The following FOXP1 variants were observed in gnomAD, a reference collection of about 807,000 sequenced individuals.
FOXP1 encodes the protein forkhead box P1.
FOXP1 carries 15 observed loss-of-function variants against 98.2 expected under a neutral mutation model. The ratio of observed to expected loss-of-function variants is 0.15; its 90% CI spans 0.10 to 0.24. The LOEUF (loss-of-function observed/expected upper bound fraction) is 0.24. Ranked by LOEUF, FOXP1 falls within the 10% of genes least tolerant of loss-of-function variation. The pLI, the probability that FOXP1 is intolerant of heterozygous loss-of-function variation, is 1.00. For synonymous variants in FOXP1, 371 were observed against 314.5 expected, an observed-to-expected ratio of 1.18 and a Z score of -1.90; for missense variants, 633 against 848.5, an observed-to-expected ratio of 0.75 and a Z score of 3.15.
chr3:70,965,796 G>C (rs1376585221), intron 20 of FOXP1, 94 bp downstream of exon 20: 19 of 1,232,080 alleles, frequency 1.5e-5, no homozygotes, highest in Middle Eastern at 5.4e-4. Flanking sequence ...TTACAGAAAA[G>C]GTATATAAAG....
chr3:71,327,984 C>T lies in FOXP1; in HGVS notation c.-72-28104G>A, dbSNP rs1284269281. 2.6e-5 allele frequency among the ~76,000 whole-genome samples: 4 copies of T among 152,150 alleles called. No homozygotes were observed. In the South Asian group the frequency reaches 8.3e-4, roughly 32 times the overall value. On this transcript the variant is annotated intron_variant, in intron 4 of 20. Transcript: ENST00000649528. ...CACATGACAGTAGGCCACACAAGCA[C>T]CTCAAATATTGTCATTTAAAACTAC...
intron 3 of FOXP1, among the ~76,000 whole-genome samples, chr3:71,369,243 A>G (rs1009458359): frequency 3.3e-5 from 5 of 152,078 alleles, no homozygotes; most frequent in African/African-American, 9.7e-5. Context: ...GAAACAAATT[A>G]GCTGGGCGTA....
At chr3:71,582,545 G>A (rs2048269922) in intron 1 of FOXP1, 1 of 985,344 alleles carries the variant, frequency 1.0e-6, no homozygotes, top group Admixed American at 6.1e-5. Context: ...GGAGGGACGA[G>A]GCGACACGCG....
chr3:71,454,430 A>C (rs1485822015), intron 3 of FOXP1, among the ~76,000 whole-genome samples: 1 of 152,144 alleles, frequency 6.6e-6, no homozygotes, highest in African/African-American at 2.4e-5. Context: ...TCGATAGAAA[A>C]CCACAGAGAC....
At chr3:71,064,120 G>C (rs1319737587) in intron 7 of FOXP1, among the ~76,000 whole-genome samples, 1 of 152,152 alleles carries the variant, frequency 6.6e-6, no homozygotes, top group Non-Finnish European at 1.5e-5. Context: ...TGCAACAGAG[G>C]CTTAGAATCC....
intron 7 of FOXP1, among the ~76,000 whole-genome samples, chr3:71,102,567 G>A (rs1261483306): frequency 6.6e-6 from 1 of 152,200 alleles, no homozygotes; most frequent in Non-Finnish European, 1.5e-5. Context: ...TACTTGCAGA[G>A]CTGTCTGCAG....
At chr3:71,123,331 G>A (rs913502372) in intron 6 of FOXP1, among the ~76,000 whole-genome samples, 1 of 152,140 alleles carries the variant, frequency 6.6e-6, no homozygotes, top group Non-Finnish European at 1.5e-5. Context: ...AACAAGCCCA[G>A]CTATCTCTGC....
At chr3:71,164,540 A>C (rs2061313453) in intron 6 of FOXP1, among the ~76,000 whole-genome samples, 1 of 152,204 alleles carries the variant, frequency 6.6e-6, no homozygotes, top group Non-Finnish European at 1.5e-5. Flanking sequence ...AGTTGGCTCC[A>C]AAGGAGAAAA....
At chr3:71,120,470 A>T (rs1284792323) in intron 6 of FOXP1, among the ~76,000 whole-genome samples, 1 of 152,242 alleles carries the variant, frequency 6.6e-6, no homozygotes, top group Non-Finnish European at 1.5e-5. Context: ...ATGGATTTTA[A>T]AAAGTGTTCC....
At chr3:71,063,241 T>C (rs2051798203) in intron 7 of FOXP1, among the ~76,000 whole-genome samples, 1 of 152,256 alleles carries the variant, frequency 6.6e-6, no homozygotes. Context: ...ATAAAACAGA[T>C]ATAGACCTTT....
At chr3:71,102,554 A>C (rs2057058092) in intron 7 of FOXP1, among the ~76,000 whole-genome samples, 2 of 152,226 alleles carry the variant, frequency 1.3e-5, no homozygotes, top group African/African-American at 2.4e-5. Context: ...GCCTTTAGAC[A>C]ATTACTTGCA....
chr3:70,988,968 A>G (rs1189961391), intron 13 of FOXP1, among the ~76,000 whole-genome samples: 2 of 152,054 alleles, frequency 1.3e-5, no homozygotes, highest in Non-Finnish European at 2.9e-5. Context: ...AGAGAGAGAG[A>G]GGAGAGAGGG....
intron 7 of FOXP1, among the ~76,000 whole-genome samples, chr3:71,107,547 T>A (rs1273773748): frequency 1.3e-5 from 2 of 152,182 alleles, no homozygotes; most frequent in Non-Finnish European, 2.9e-5. Context: ...AAAATTTCAA[T>A]GCTTTGTATC....
At chr3:71,440,012 C>T (rs966247571) in intron 3 of FOXP1, among the ~76,000 whole-genome samples, 2 of 150,134 alleles carry the variant, frequency 1.3e-5, no homozygotes, top group Admixed American at 6.6e-5. Flanking sequence ...ACCTTGAGGA[C>T]ATTATGCTAA....
At chr3:71,288,284 G>C (rs2072384367) in intron 5 of FOXP1, 1 of 152,184 alleles carries the variant, frequency 6.6e-6, no homozygotes, top group Admixed American at 6.5e-5. Context: ...CATCCATATA[G>C]AGATAATGTG....
At chr3:71,169,800 G>T (rs552382696) in intron 6 of FOXP1, among the ~76,000 whole-genome samples, 1 of 142,156 alleles carries the variant, frequency 7.0e-6, no homozygotes, top group East Asian at 2.1e-4. Context: ...AAAAAAAAAA[G>T]ATTTTTTGCT....
At position 71,145,849 on chromosome 3, in the gene FOXP1, G is replaced by A. The variant is rs188385173; in HGVS notation, c.181-33212C>T. On this transcript the variant is annotated intron_variant, in intron 6 of 20. Coordinates refer to ENST00000649528, the MANE Select transcript of FOXP1 (RefSeq NM_001349338.3). ...TTTTTAAACTGAGTATGTTTGTTTT[G>A]TATTATAGAGTTTGGAAGGTTCTTT... Among the ~76,000 whole-genome samples, 77 of 152,184 alleles carry A rather than the reference G, an allele frequency of 5.1e-4. No individual in the cohort carries two copies. In the East Asian group the frequency reaches 8.3e-3, roughly 16 times the overall value.
chr3:70,957,930 T>C lies in FOXP1; in HGVS notation c.*1317A>G. The C allele has an allele frequency of 4.1e-6, 1 of 243,912 alleles. No individual in the cohort carries two copies. The highest frequency in any genetic ancestry group is 5.9e-5 in the East Asian group (1 of 17,014). 15.1% of individuals were successfully genotyped at this position (243,912 alleles called of 1,614,324 possible). ...GCCACCAAGTAGGTCTGAACTAATGTATAAACTCAGCGCCGCCGCCGCCAC... is the reference window on the plus strand; with the variant it reads ...GCCACCAAGTAGGTCTGAACTAATGCATAAACTCAGCGCCGCCGCCGCCAC... On this transcript the variant is annotated 3_prime_UTR_variant, in exon 21 of 21. Transcript: ENST00000649528.
At chr3:71,466,407 A>G (rs2088745530) in intron 3 of FOXP1, among the ~76,000 whole-genome samples, 1 of 152,248 alleles carries the variant, frequency 6.6e-6, no homozygotes, top group South Asian at 2.1e-4. Flanking sequence ...ACAGTCAAGG[A>G]AAGTTGTCAT....
Sources: gnomAD v4.1 joint callset for allele counts (sites outside exome capture counted in the v4.1 genomes callset) on GRCh38, gnomAD v4.1.1 for gene constraint, MANE v1.5 for transcripts, NCBI Gene and HGNC (gene_info 2026-07-23, HGNC 2026-07-21) for gene names.